The following IL19 variants were observed in gnomAD, a reference collection of about 807,000 sequenced individuals.
The protein encoded by IL19 is interleukin-19.
In IL19, 15 loss-of-function variants were observed where a neutral mutation model predicts 19.5. The observed-to-expected ratio is 0.77, with a 90% confidence interval of 0.52 to 1.19. The LOEUF (loss-of-function observed/expected upper bound fraction) is 1.19, where lower values mean the gene tolerates loss of function less well. Ranked by LOEUF, IL19 falls within the 50% of genes most tolerant of loss-of-function variation. The pLI, the probability that IL19 is intolerant of heterozygous loss-of-function variation, is 0.00. For missense variants in IL19, 199 were observed against 213.1 expected, an observed-to-expected ratio of 0.93 and a Z score of 0.41; for synonymous variants, 78 against 78.3, an observed-to-expected ratio of 1.00 and a Z score of 0.02.
chr1:206,801,775 G>T (rs911728846), intron 2 of IL19, among the ~76,000 whole-genome samples: 1 of 152,160 alleles, frequency 6.6e-6, no homozygotes, highest in African/African-American at 2.4e-5. Flanking sequence ...ATTTCTTGGG[G>T]ACTAGACCTT....
chr1:206,798,377 G>A (rs780416199), intron 1 of IL19, among the ~76,000 whole-genome samples: 8 of 152,096 alleles, frequency 5.3e-5, no homozygotes, highest in Non-Finnish European at 5.9e-5. Context: ...GCAGTCCTTG[G>A]GGGGCTTCAA....
At chr1:206,806,083 C>T (rs1659137039) in intron 2 of IL19, among the ~76,000 whole-genome samples, 1 of 152,144 alleles carries the variant, frequency 6.6e-6, no homozygotes, top group Non-Finnish European at 1.5e-5. Flanking sequence ...GTACCATTAA[C>T]CTTGGGTTAA....
At chr1:206,802,620 T>C (rs1675740686) in intron 2 of IL19, among the ~76,000 whole-genome samples, 2 of 152,160 alleles carry the variant, frequency 1.3e-5, no homozygotes, top group Non-Finnish European at 2.9e-5. Context: ...TCGTGAGTCA[T>C]ACTTAATTTC....
chr1:206,836,313 A>G (rs1676791205), intron 2 of IL19, among the ~76,000 whole-genome samples: 1 of 152,192 alleles, frequency 6.6e-6, no homozygotes, highest in African/African-American at 2.4e-5. Flanking sequence ...TTAATTTATT[A>G]AAAACAATGC....
At chr1:206,822,758 AC>A (rs1469515851) in intron 2 of IL19, among the ~76,000 whole-genome samples, 1 of 152,104 alleles carries the variant, frequency 6.6e-6, no homozygotes, top group Non-Finnish European at 1.5e-5. Context: ...TATGCTGTCC[AC>A]TTTGGTGTCC....
intron 2 of IL19, among the ~76,000 whole-genome samples, chr1:206,819,547 A>G (rs1475326164): frequency 6.6e-6 from 1 of 150,698 alleles, no homozygotes; most frequent in Non-Finnish European, 1.5e-5. Flanking sequence ...TGTGACACTA[A>G]CTCTACCCTG....
intron 1 of IL19, among the ~76,000 whole-genome samples, chr1:206,777,230 CAAAAAAAAAAA>C (rs750939092): frequency 3.3e-4 from 2 of 6,132 alleles, no homozygotes; most frequent in Non-Finnish European, 7.2e-4. Flanking sequence ...GACTCCGTCT[CAAAAAAAAAAA>C]AAAAAAAAAA....
intron 1 of IL19, among the ~76,000 whole-genome samples, chr1:206,796,129 C>G (rs1675517447): frequency 6.6e-6 from 1 of 151,976 alleles, no homozygotes; most frequent in African/African-American, 2.4e-5. Flanking sequence ...GCCTAAGAAC[C>G]AGAAGCTCCC....
At chr1:206,800,593 T>C (rs2102460559) in intron 2 of IL19, among the ~76,000 whole-genome samples, 1 of 152,178 alleles carries the variant, frequency 6.6e-6, no homozygotes, top group Middle Eastern at 3.4e-3. Flanking sequence ...GTTGAGTATG[T>C]GAGTGTGCAT....
intron 2 of IL19, among the ~76,000 whole-genome samples, chr1:206,834,953 A>G (rs2102486011): frequency 6.6e-6 from 1 of 152,320 alleles, no homozygotes; most frequent in Admixed American, 6.5e-5. Context: ...GGGAACAGAA[A>G]CAGAGCCTAC....
chr1:206,805,853 G>A (rs959281619), intron 2 of IL19, among the ~76,000 whole-genome samples: 4 of 152,192 alleles, frequency 2.6e-5, no homozygotes, highest in African/African-American at 9.7e-5. Context: ...AGTCTGGATC[G>A]TGTCAGGCTC....
chr1:206,791,923 C>T lies in IL19; in HGVS notation c.-148-6938C>T, dbSNP rs989363680. On this transcript the variant is annotated intron_variant, in intron 1 of 6. Coordinates refer to ENST00000659997, the MANE Select transcript of IL19 (RefSeq NM_153758.5). ...TAAGTAAATTGGAATGTTCCTGGTCCTGTGCATGTGTGTGTGTGTGTGCAT... is the reference window on the plus strand; with the variant it reads ...TAAGTAAATTGGAATGTTCCTGGTCTTGTGCATGTGTGTGTGTGTGTGCAT... 4.0e-5 allele frequency among the ~76,000 whole-genome samples: 6 copies of T among 151,132 alleles called. No individual in the cohort carries two copies. The East Asian group carries it at 5.8e-4, about 15-fold the overall frequency.
chr1:206,820,293 T>C (rs1294036215), intron 2 of IL19, among the ~76,000 whole-genome samples: 1 of 152,224 alleles, frequency 6.6e-6, no homozygotes, highest in Non-Finnish European at 1.5e-5. Flanking sequence ...CGCTTGAGGT[T>C]GACATCAGTT....
intron 2 of IL19, among the ~76,000 whole-genome samples, chr1:206,815,918 C>T (rs907948415): frequency 2.6e-5 from 4 of 152,084 alleles, no homozygotes; most frequent in African/African-American, 7.2e-5. Context: ...ACATTGTTTC[C>T]TTCGACATTT....
At chr1:206,803,438 C>A (rs1442589828) in intron 2 of IL19, among the ~76,000 whole-genome samples, 1 of 152,102 alleles carries the variant, frequency 6.6e-6, no homozygotes, top group Non-Finnish European at 1.5e-5. Flanking sequence ...AACATGTGTG[C>A]GTCATCTGAG....
intron 1 of IL19, among the ~76,000 whole-genome samples, chr1:206,778,378 T>C (rs1675057886): frequency 6.6e-6 from 1 of 152,174 alleles, no homozygotes; most frequent in Admixed American, 6.5e-5. Flanking sequence ...CCATAGTTGT[T>C]TCTGCTCTGT....
chr1:206,823,415 C>T (rs978901742), intron 2 of IL19, among the ~76,000 whole-genome samples: 34 of 151,684 alleles, frequency 2.2e-4, no homozygotes, highest in Admixed American at 1.8e-3. Context: ...ATTAGCTGGG[C>T]GTGGTGGCGT....
intron 2 of IL19, among the ~76,000 whole-genome samples, chr1:206,809,228 C>A (rs1002525981): frequency 5.3e-5 from 8 of 152,200 alleles, no homozygotes; most frequent in African/African-American, 1.7e-4. Context: ...TGTGTAAACC[C>A]AAGCTGGTTC....
At chr1:206,772,184 CAGG>C in intron 1 of IL19, 3 of 1,181,986 alleles carry the variant, frequency 2.5e-6, no homozygotes, top group Non-Finnish European at 3.8e-6. Context: ...GGTGGAGGCG[CAGG>C]AGGAGGGTTC....
Sources: allele counts gnomAD v4.1 joint callset (sites outside exome capture counted in the v4.1 genomes callset), GRCh38; gene constraint gnomAD v4.1.1; transcripts MANE v1.5; gene names NCBI Gene and HGNC (gene_info 2026-07-23, HGNC 2026-07-21).